The following CHD9 variants were observed in gnomAD, a reference collection of about 807,000 sequenced individuals.
CHD9 encodes the protein chromodomain helicase DNA binding protein 9.
CHD9 carries 77 observed loss-of-function variants against 316.1 expected under a neutral mutation model. That is an observed-to-expected ratio of 0.24 (90% CI 0.20 to 0.29). The LOEUF is 0.29. Among genes scored for constraint, CHD9 ranks in the 10% least tolerant of loss-of-function variants. The probability of loss-of-function intolerance (pLI) is 1.00; values close to 1 mark genes in which losing one functional copy is unlikely to be tolerated. For missense variants in CHD9, 2,763 were observed against 3,438.1 expected (o/e 0.80, Z 4.91); for synonymous variants, 1,129 against 1,158.3 (o/e 0.97, Z 0.51).
intron 1 of CHD9, among the ~76,000 whole-genome samples, chr16:53,108,354 A>G (rs1328331270): frequency 6.7e-6 from 1 of 148,994 alleles, no homozygotes; most frequent in Non-Finnish European, 1.5e-5. Context: ...ATACAAAAAA[A>G]TTTAGCCAGG....
chr16:53,210,669 T>A (rs2046261768), intron 3 of CHD9, among the ~76,000 whole-genome samples: 2 of 152,156 alleles, frequency 1.3e-5, no homozygotes, highest in South Asian at 4.1e-4. Flanking sequence ...ACTTTTCTCT[T>A]TTTCACAAAA....
At chr16:53,133,141 G>T (rs2039455642) in intron 1 of CHD9, among the ~76,000 whole-genome samples, 1 of 152,100 alleles carries the variant, frequency 6.6e-6, no homozygotes, top group Non-Finnish European at 1.5e-5. Context: ...TTGCCTCCCA[G>T]TTTTGATTAA....
chr16:53,202,910 C>T (rs1180300584), intron 2 of CHD9, among the ~76,000 whole-genome samples: 1 of 150,812 alleles, frequency 6.6e-6, no homozygotes, highest in Non-Finnish European at 1.5e-5. Flanking sequence ...AATTGTTCCA[C>T]TTCCATGAAA....
At chr16:53,185,719 T>C (rs1451508378) in intron 2 of CHD9, among the ~76,000 whole-genome samples, 1 of 152,188 alleles carries the variant, frequency 6.6e-6, no homozygotes, top group Non-Finnish European at 1.5e-5. Context: ...CTCCCTGCTG[T>C]GTGCAGCCTT....
At chr16:53,242,553 A>T (rs925299137) in intron 12 of CHD9, among the ~76,000 whole-genome samples, 4 of 152,198 alleles carry the variant, frequency 2.6e-5, no homozygotes, top group African/African-American at 9.6e-5. Context: ...CTTGCCCAAA[A>T]TTATTATAAT....
intron 4 of CHD9, among the ~76,000 whole-genome samples, chr16:53,224,726 T>C (rs2047508553): frequency 6.6e-6 from 1 of 152,342 alleles, no homozygotes; most frequent in East Asian, 1.9e-4. Context: ...AATGAGACAT[T>C]GATAATATAT....
At chr16:53,120,473 T>G (rs1391909675) in intron 1 of CHD9, among the ~76,000 whole-genome samples, 1 of 151,700 alleles carries the variant, frequency 6.6e-6, no homozygotes, top group African/African-American at 2.4e-5. Flanking sequence ...ATTAGCCGGG[T>G]GTGGTGGCGC....
intron 2 of CHD9, among the ~76,000 whole-genome samples, chr16:53,162,811 G>T (rs1320615342): frequency 6.7e-6 from 1 of 149,654 alleles, no homozygotes; most frequent in Non-Finnish European, 1.5e-5. Flanking sequence ...GTGGGGGACA[G>T]GGTCTTTGTC....
intron 2 of CHD9, among the ~76,000 whole-genome samples, chr16:53,199,978 G>C (rs1052708258): frequency 6.6e-6 from 1 of 152,008 alleles, no homozygotes; most frequent in African/African-American, 2.4e-5. Context: ...GCTCATGCCT[G>C]TAATCCTAGC....
chr16:53,303,961 C>T lies in CHD9; in HGVS notation c.5955C>T (p.His1985=), dbSNP rs1183392434. The part of the protein sequence containing the change: ...AKHGVSRTDY[H]ILRDPELSFM... ...ACGGGGTGAGCCGAACAGACTATCA[C>T]ATTCTTCGTGATCCTGAACTCTCAT... Residue 1985 remains histidine (H), a synonymous_variant, in exon 31 of 39, where the codon CAC becomes CAT. Transcript: ENST00000447540. The T allele has an allele frequency of 6.2e-7, 1 of 1,613,916 alleles. No individual in the cohort carries two copies. The highest frequency in any genetic ancestry group is 1.3e-5 in the African/African-American group (1 of 74,932).
At chr16:53,208,495 T>A (rs566682648) in intron 2 of CHD9, 15 of 1,149,260 alleles carry the variant, frequency 1.3e-5, no homozygotes, top group South Asian at 1.3e-4. Flanking sequence ...CCTCGAGTCT[T>A]GGTTATTTGT....
chr16:53,214,535 C>T (rs1220391823), intron 3 of CHD9, among the ~76,000 whole-genome samples: 1 of 152,004 alleles, frequency 6.6e-6, no homozygotes, highest in Non-Finnish European at 1.5e-5. Flanking sequence ...GTAAGTTCTA[C>T]GGTTTTTTTA....
intron 1 of CHD9, among the ~76,000 whole-genome samples, chr16:53,148,965 C>T (rs915347785): frequency 2.6e-5 from 4 of 152,090 alleles, no homozygotes; most frequent in African/African-American, 9.7e-5. Flanking sequence ...TGCTATATTG[C>T]GTTTCAATTT....
At chr16:53,145,186 T>C (rs1326483535) in intron 1 of CHD9, among the ~76,000 whole-genome samples, 7 of 150,442 alleles carry the variant, frequency 4.7e-5, no homozygotes, top group Non-Finnish European at 1.0e-4. Flanking sequence ...ACTTTAGCTC[T>C]TCTTGCCCAG....
intron 34 of CHD9, 37 bp downstream of exon 34, chr16:53,308,891 A>G (rs1367842372): frequency 7.3e-6 from 11 of 1,511,092 alleles, no homozygotes; most frequent in Non-Finnish European, 1.0e-5. Flanking sequence ...ACTATGAAAT[A>G]TTTTCTGTCA....
At chr16:53,102,947 G>A (rs2037013904) in intron 1 of CHD9, among the ~76,000 whole-genome samples, 2 of 151,922 alleles carry the variant, frequency 1.3e-5, no homozygotes, top group South Asian at 2.1e-4. Context: ...CCGGGTTCAC[G>A]CCATTCTCCT....
rs773889994 is a variant in CHD9 at position 53,254,531 on chromosome 16, C to A, written c.3955C>A (p.Arg1319=). Residue 1319 remains arginine (R), a synonymous_variant, in exon 18 of 39, where the codon CGA becomes AGA. Coordinates refer to ENST00000447540, the MANE Select transcript of CHD9 (RefSeq NM_001308319.2). The part of the protein sequence containing the change: ...RNSYEREMFD[R]ASLKLGLDKA... Reference sequence around the variant, plus strand: ...CTCATATGAGAGAGAGATGTTTGACCGAGCCAGTTTGAAACTGGGCCTAGA... The same window carrying A: ...CTCATATGAGAGAGAGATGTTTGACAGAGCCAGTTTGAAACTGGGCCTAGA... The A allele has an allele frequency of 6.2e-7, 1 of 1,612,562 alleles. No individual in the cohort carries two copies. The highest frequency in any genetic ancestry group is 8.5e-7 in the Non-Finnish European group (1 of 1,179,160).
At chr16:53,079,154 G>A (rs2034801678) in intron 1 of CHD9, among the ~76,000 whole-genome samples, 2 of 152,050 alleles carry the variant, frequency 1.3e-5, no homozygotes, top group South Asian at 4.1e-4. Flanking sequence ...TTTCCTTCTC[G>A]TACCCCTCAA....
chr16:53,081,293 G>A (rs184883145), intron 1 of CHD9, among the ~76,000 whole-genome samples: 268 of 152,254 alleles, frequency 1.8e-3, no homozygotes, highest in African/African-American at 6.1e-3. Context: ...GGGAGAATCT[G>A]GTTCTGCACC....
Sources: allele counts gnomAD v4.1 joint callset (sites outside exome capture counted in the v4.1 genomes callset), GRCh38; gene constraint gnomAD v4.1.1; transcripts MANE v1.5; gene names NCBI Gene and HGNC (gene_info 2026-07-23, HGNC 2026-07-21).